Variants in WNT7B observed in about 807,000 individuals in gnomAD.
WNT7B encodes the protein protein Wnt-7b.
In WNT7B, 19 loss-of-function variants were observed where a neutral mutation model predicts 38.2. The observed-to-expected ratio is 0.50, with a 90% CI of 0.35 to 0.73. WNT7B has a LOEUF of 0.73. Among genes scored for constraint, WNT7B ranks in the 30% least tolerant of loss-of-function variants. The pLI is 0.01. For missense variants in WNT7B, 423 were observed against 507.9 expected (o/e 0.83, Z 1.61); for synonymous variants, 243 against 209.3 (o/e 1.16, Z -1.39).
intron 3 of WNT7B, among the ~76,000 whole-genome samples, chr22:45,929,661 C>T (rs990082046): frequency 6.6e-5 from 8 of 120,444 alleles, no homozygotes; most frequent in African/African-American, 2.7e-4. Context: ...TCCTTCCACC[C>T]ACCCGCCCAT....
Position 45,922,664 on chromosome 22 carries a change from G to A in WNT7B, c.*192C>T. The A allele has an allele frequency of 2.3e-6, 2 of 882,226 alleles. No individual in the cohort carries two copies. The highest frequency in any genetic ancestry group is 1.7e-5 in the African/African-American group (1 of 59,198). 54.6% of individuals were successfully genotyped at this position (882,226 alleles called of 1,614,324 possible). On this transcript the variant is annotated 3_prime_UTR_variant, in exon 4 of 4. Transcript: ENST00000339464. The stretch of plus-strand genomic sequence containing the variant: ...CTGCCGCAGGAGGTGATGGGAGGAG[G>A]TGGCAGGAAGGAGCCCCAGGGAGGC...
rs145404748 is a variant in WNT7B at position 45,967,401 on chromosome 22, C to T, written c.71+9283G>A. 2.8e-3 allele frequency among the ~76,000 whole-genome samples: 425 copies of T among 152,300 alleles called. 1 individual carries two copies. Among genetic ancestry groups the T allele is most frequent in the African/African-American group, 9.0e-3 (374 of 41,586 alleles). On this transcript the variant is annotated intron_variant, in intron 1 of 3. Coordinates refer to ENST00000339464, the MANE Select transcript of WNT7B (RefSeq NM_058238.3). ...TCCATCTGCTGGGGATGACAGGGAG[C>T]AGTGTGAGCCGTGAGGGCTTGGGCT...
chr22:45,928,391 G>A (rs1931162624), intron 3 of WNT7B, among the ~76,000 whole-genome samples: 2 of 152,232 alleles, frequency 1.3e-5, no homozygotes, highest in South Asian at 4.1e-4. Flanking sequence ...GTGCCCCACA[G>A]GTGCACAGGG....
rs1235591822 is a variant in WNT7B, at chr22:45,922,748, C to T, written c.*108G>A. On this transcript the variant is annotated 3_prime_UTR_variant, in exon 4 of 4. Coordinates refer to ENST00000339464, the MANE Select transcript of WNT7B (RefSeq NM_058238.3). The stretch of plus-strand genomic sequence containing the variant: ...CTGCACCTGGAGCTCCCCGCTTCTG[C>T]ACCCGTCTATGTCTGCTGCTGGCAG... 1 of 1,496,446 alleles carries T rather than the reference C, an allele frequency of 6.7e-7. No individual in the cohort carries two copies. Among genetic ancestry groups the T allele is most frequent in the Admixed American group, 2.2e-5 (1 of 46,296 alleles). 92.7% of individuals were successfully genotyped at this position (1,496,446 alleles called of 1,614,324 possible). A position where few individuals can be genotyped will look rare whatever the true frequency, so the allele number is the denominator to read the frequency against.
intron 1 of WNT7B, among the ~76,000 whole-genome samples, chr22:45,968,392 C>G (rs1932358323): frequency 6.6e-6 from 1 of 152,038 alleles, no homozygotes; most frequent in African/African-American, 2.4e-5. Flanking sequence ...CCACAGCCAC[C>G]CGGTGAGGTT....
At chr22:45,972,453 G>A (rs1009990775) in intron 1 of WNT7B, 1 of 217,672 alleles carries the variant, frequency 4.6e-6, no homozygotes, top group African/African-American at 2.3e-5. Flanking sequence ...GCTGGGGCTG[G>A]AGTGCGGGGC....
chr22:45,972,232 A>G (rs2146756184), intron 1 of WNT7B: 1 of 644,442 alleles, frequency 1.6e-6, no homozygotes, highest in Non-Finnish European at 2.8e-6. Context: ...GCGACAGTAG[A>G]AGCATGGTGG....
chr22:45,962,053 C>T (rs984056038), intron 1 of WNT7B, among the ~76,000 whole-genome samples: 20 of 152,180 alleles, frequency 1.3e-4, no homozygotes, highest in African/African-American at 4.3e-4. Context: ...CTCGCGCCCC[C>T]GGCGGGCGGC....
chr22:45,974,122 A>C (rs1250023816), intron 1 of WNT7B, among the ~76,000 whole-genome samples: 6 of 152,158 alleles, frequency 3.9e-5, no homozygotes, highest in Admixed American at 3.9e-4. Flanking sequence ...ACAGGTGTTC[A>C]TTGGGACACA....
At chr22:45,942,684 C>T (rs1167901240) in intron 2 of WNT7B, among the ~76,000 whole-genome samples, 2 of 152,252 alleles carry the variant, frequency 1.3e-5, no homozygotes, top group African/African-American at 4.8e-5. Context: ...GATAGCAGCA[C>T]GCACCTCATG....
rs1357114348 is a variant in WNT7B, at chr22:45,965,034, C to T, written c.71+11650G>A. Among the ~76,000 whole-genome samples the T allele has an allele frequency of 6.6e-6, 1 of 152,140 alleles. No individual in the cohort carries two copies. Among genetic ancestry groups the T allele is most frequent in the African/African-American group, 2.4e-5 (1 of 41,434 alleles). On this transcript the variant is annotated intron_variant, in intron 1 of 3. Coordinates refer to ENST00000339464, the MANE Select transcript of WNT7B (RefSeq NM_058238.3). The surrounding 1 kb of genome is among the most constrained non-coding windows in gnomAD (Gnocchi z 6.5). Reference sequence around the variant, plus strand: ...CTCTGCTGAAGCCACTCCTCCCTGCCCTGGGCTCCCCAGACCCGAGATCAC... The same window carrying T: ...CTCTGCTGAAGCCACTCCTCCCTGCTCTGGGCTCCCCAGACCCGAGATCAC...
At chr22:45,944,195 G>A (rs989379606) in intron 2 of WNT7B, among the ~76,000 whole-genome samples, 5 of 152,322 alleles carry the variant, frequency 3.3e-5, no homozygotes, top group Admixed American at 1.3e-4. Context: ...ACTCTTGTCC[G>A]TCTCTCAGGG....
chr22:45,943,025 ATG>A (rs797000246), intron 2 of WNT7B, among the ~76,000 whole-genome samples: 266 of 136,712 alleles, frequency 1.9e-3, no homozygotes, highest in African/African-American at 6.7e-3. Context: ...GTGCATGTGT[ATG>A]TGTGTGCGCG....
At chr22:45,932,688 G>T (rs1397072118) in intron 2 of WNT7B, among the ~76,000 whole-genome samples, 2 of 152,184 alleles carry the variant, frequency 1.3e-5, no homozygotes. Flanking sequence ...CCCAGCGCCT[G>T]GTCCATGTGG....
chr22:45,925,741 C>T, intron 3 of WNT7B: 1 of 985,420 alleles, frequency 1.0e-6, no homozygotes, highest in Non-Finnish European at 1.2e-6. Context: ...CAGGCGCCAC[C>T]CCAGGAGCTG....
At chr22:45,927,428 A>C (rs964634555) in intron 3 of WNT7B, 2 of 1,544,896 alleles carry the variant, frequency 1.3e-6, no homozygotes, top group African/African-American at 2.7e-5. Context: ...CCTGGGCCAC[A>C]TGCCAGCTAG....
rs1417698454 is a variant in WNT7B at position 45,976,567 on chromosome 22, GC to G, written c.71+116del. ...GTCTGACACACGGGCCAGCCCCGGA[GC>G]CCAGAGAGCTGCAGTGGCCCCCTCC... On this transcript the variant is annotated intron_variant, in intron 1 of 3. Coordinates refer to ENST00000339464, the MANE Select transcript of WNT7B (RefSeq NM_058238.3). This position sits in a 1 kb window ranked among gnomAD's most constrained non-coding sequence, Gnocchi z 8.5. 13 of 1,132,176 alleles carry G rather than the reference GC, an allele frequency of 1.1e-5. No individual in the cohort carries two copies. The highest frequency in any genetic ancestry group is 1.3e-6 in the Non-Finnish European group (1 of 782,184). The allele number at this position is 1,132,176 out of a possible 1,614,324, so 70.1% of individuals were successfully genotyped here.
In WNT7B at chr22:45,973,296, C is replaced by T. The variant is rs367742440; in HGVS notation, c.71+3388G>A. Among the ~76,000 whole-genome samples the T allele has an allele frequency of 2.6e-5, 4 of 152,326 alleles. No individual in the cohort carries two copies. In the East Asian group the frequency reaches 7.7e-4, roughly 29 times the overall value. Reference sequence around the variant, plus strand: ...ATAGGTCTAGTGTCCCACCTCCTGTCGTTAGCCAATTCTGGTTCCACATGA... The same window carrying T: ...ATAGGTCTAGTGTCCCACCTCCTGTTGTTAGCCAATTCTGGTTCCACATGA... On this transcript the variant is annotated intron_variant, in intron 1 of 3. Coordinates refer to ENST00000339464, the MANE Select transcript of WNT7B (RefSeq NM_058238.3).
At chr22:45,943,754 C>T (rs1931726859) in intron 2 of WNT7B, among the ~76,000 whole-genome samples, 1 of 152,170 alleles carries the variant, frequency 6.6e-6, no homozygotes, top group Non-Finnish European at 1.5e-5. Context: ...ACAACAGGAC[C>T]TGAGGCGGTC....
Sources: gnomAD v4.1 joint callset for allele counts (sites outside exome capture counted in the v4.1 genomes callset) on GRCh38, gnomAD v4.1.1 for gene constraint, Gnocchi (gnomAD v3.1) non-coding constraint, MANE v1.5 for transcripts, NCBI Gene and HGNC (gene_info 2026-07-23, HGNC 2026-07-21) for gene names.